The following OR2AT4 variants were observed in gnomAD, a reference collection of about 807,000 sequenced individuals.
OR2AT4 encodes olfactory receptor 2AT4.
Under a neutral mutation model 10.3 loss-of-function variants are expected in OR2AT4, and 6 were observed. The ratio of observed to expected loss-of-function variants is 0.58; its 90% CI spans 0.32 to 1.15. The LOEUF is 1.15. OR2AT4 is among the 50% of genes most tolerant of loss of function. The pLI, the probability that OR2AT4 is intolerant of heterozygous loss-of-function variation, is 0.05. For synonymous variants in OR2AT4, 145 were observed against 159.1 expected (o/e 0.91, Z 0.67); for missense variants, 354 against 393.8 (o/e 0.90, Z 0.85).
At chr11:75,088,995 G>T (rs747872142) in exon 2 of OR2AT4, 3 of 1,614,186 alleles carry the variant, frequency 1.9e-6, no homozygotes, top group South Asian at 1.1e-5. Context: ...GAAGGCTTTT[G>T]CCCGTCCTTC....
Position 75,088,928 on chromosome 11 carries a change from T to C in OR2AT4, c.786A>G (p.Ile262Met), listed in dbSNP as rs1949303597. The C allele has an allele frequency of 4.3e-6, 7 of 1,614,042 alleles. No homozygotes were observed. The highest frequency in any genetic ancestry group is 5.9e-6 in the Non-Finnish European group (7 of 1,180,010). The stretch of plus-strand genomic sequence containing the variant: ...GGTCAGCCCTGTAGGCCACGTAGGC[T>C]ATGGCAATAGATGAGTAGTAGGTGC... Residue 262 changes from isoleucine (I) to methionine (M), a missense_variant, in exon 2 of 2, where the codon ATA becomes ATG. By Grantham distance (10) the Ile-to-Met change is conservative (BLOSUM62 1). Coordinates refer to ENST00000641504, the Ensembl canonical transcript of OR2AT4.
chr11:75,092,726 ACAGGAGTTTGAGAC>A (rs1178153403), intron 1 of OR2AT4, among the ~76,000 whole-genome samples: 1 of 152,004 alleles, frequency 6.6e-6, no homozygotes, highest in Non-Finnish European at 1.5e-5. Context: ...CAGGCAGATC[ACAGGAGTTTGAGAC>A]CAGCCTGGGC....
chr11:75,091,993 A>G (rs1479104772), intron 1 of OR2AT4, among the ~76,000 whole-genome samples: 1 of 152,242 alleles, frequency 6.6e-6, no homozygotes, highest in Non-Finnish European at 1.5e-5. Context: ...TTTTCAATAC[A>G]TTTATCAAAG....
Position 75,087,280 on chromosome 11 carries a change from T to C in OR2AT4, c.*1471A>G, listed in dbSNP as rs1376513144. On this transcript the variant is annotated 3_prime_UTR_variant, in exon 2 of 2. Coordinates refer to ENST00000641504, the Ensembl canonical transcript of OR2AT4. ...CACAGAGGAAGTTAGGTGAAGGATATATGGGAACTCTCATACTATCTTTGA... is the reference window on the plus strand; with the variant it reads ...CACAGAGGAAGTTAGGTGAAGGATACATGGGAACTCTCATACTATCTTTGA... 2 of 152,192 alleles carry C rather than the reference T, an allele frequency of 1.3e-5. 1 individual carries two copies. 9.4% of individuals were successfully genotyped at this position (152,192 alleles called of 1,614,324 possible).
chr11:75,093,794 TTTTC>T (rs1949331828), intron 1 of OR2AT4, among the ~76,000 whole-genome samples: 1 of 109,236 alleles, frequency 9.2e-6, no homozygotes, highest in South Asian at 3.2e-4. Flanking sequence ...CTTTTCTTTT[TTTTC>T]TTTTTCTTTT....
At chr11:75,092,028 A>C (rs1949322434) in intron 1 of OR2AT4, among the ~76,000 whole-genome samples, 1 of 152,222 alleles carries the variant, frequency 6.6e-6, no homozygotes, top group South Asian at 2.1e-4. Flanking sequence ...ATATATAAAA[A>C]CCTTGACAAG....
exon 2 of OR2AT4, chr11:75,081,800 A>AC (rs2140277154): frequency 6.6e-6 from 1 of 152,324 alleles, no homozygotes; most frequent in African/African-American, 2.4e-5. Context: ...AGCACAAGAA[A>AC]CCTAGGAATA....
intron 1 of OR2AT4, among the ~76,000 whole-genome samples, chr11:75,095,924 C>T (rs913707187): frequency 6.6e-6 from 1 of 151,998 alleles, no homozygotes; most frequent in African/African-American, 2.4e-5. Flanking sequence ...GTGATCTGCC[C>T]GCCTCGGCCT....
exon 2 of OR2AT4, chr11:75,086,760 A>C (rs917470414): frequency 2.0e-5 from 3 of 152,230 alleles, no homozygotes; most frequent in African/African-American, 7.2e-5. Flanking sequence ...GGTGTAGTAC[A>C]TTCTATGAGT....
chr11:75,086,710 T>C (rs1482965022), exon 2 of OR2AT4: 3 of 152,224 alleles, frequency 2.0e-5, no homozygotes, highest in Non-Finnish European at 1.5e-5. Context: ...CAAGCCTACA[T>C]TGACACATCA....
intron 1 of OR2AT4, among the ~76,000 whole-genome samples, chr11:75,094,169 G>T (rs1047297129): frequency 6.6e-6 from 1 of 151,726 alleles, no homozygotes; most frequent in Non-Finnish European, 1.5e-5. Flanking sequence ...AAAGATCCAG[G>T]GCTTTCCCAT....
chr11:75,096,287 G>A (rs1949348439), intron 1 of OR2AT4: 1 of 152,310 alleles, frequency 6.6e-6, no homozygotes, highest in South Asian at 2.1e-4. Context: ...TTAGGAAGGA[G>A]AGCAAGGGCG....
chr11:75,085,272 A>G (rs1485282756), exon 2 of OR2AT4: 1 of 152,102 alleles, frequency 6.6e-6, no homozygotes, highest in Non-Finnish European at 1.5e-5. Context: ...GACAAAATGG[A>G]CAAATTTCTT....
exon 2 of OR2AT4, chr11:75,082,267 T>C (rs1949270202): frequency 6.6e-6 from 1 of 151,636 alleles, no homozygotes; most frequent in African/African-American, 2.4e-5. Flanking sequence ...CAAAAATAAG[T>C]ATGGGAAAAG....
chr11:75,093,171 A>T (rs550621900), intron 1 of OR2AT4, among the ~76,000 whole-genome samples: 1 of 152,294 alleles, frequency 6.6e-6, no homozygotes, highest in African/African-American at 2.4e-5. Flanking sequence ...TTGTGAGAGG[A>T]CTTGCTTCCA....
chr11:75,089,642 C>A, exon 2 of OR2AT4: 1 of 1,613,874 alleles, frequency 6.2e-7, no homozygotes. Flanking sequence ...AGGTCTCTGG[C>A]AGAGAGGGGA....
exon 2 of OR2AT4, chr11:75,088,621 T>C: frequency 1.0e-6 from 1 of 956,994 alleles, no homozygotes; most frequent in African/African-American, 1.7e-5. Context: ...TACTAAGTAG[T>C]AAAATTTTAT....
exon 2 of OR2AT4, chr11:75,085,124 A>G (rs1242892248): frequency 7.9e-5 from 12 of 152,100 alleles, no homozygotes; most frequent in Admixed American, 7.9e-4. Context: ...TGGTAAACCT[A>G]TAGCTAAACT....
chr11:75,092,815 G>C (rs1949326392), intron 1 of OR2AT4, among the ~76,000 whole-genome samples: 1 of 150,858 alleles, frequency 6.6e-6, no homozygotes, highest in South Asian at 2.1e-4. Flanking sequence ...AAAAAAAAAA[G>C]ATAAGGTCAG....
Sources: allele counts gnomAD v4.1 joint callset (sites outside exome capture counted in the v4.1 genomes callset), GRCh38; gene constraint gnomAD v4.1.1; transcripts MANE v1.5; gene names NCBI Gene and HGNC (gene_info 2026-07-23, HGNC 2026-07-21).